The following PKHD1 variants were observed in gnomAD, a reference collection of about 807,000 sequenced individuals.
PKHD1 encodes the protein fibrocystin.
Under a neutral mutation model 412.0 loss-of-function variants are expected in PKHD1, and 291 were observed. The ratio of observed to expected loss-of-function variants is 0.71; its 90% CI spans 0.64 to 0.78. The LOEUF is 0.78. Ranked by LOEUF, PKHD1 falls within the 30% of genes least tolerant of loss-of-function variation. The pLI, the probability that PKHD1 is intolerant of heterozygous loss-of-function variation, is 0.00. For missense variants in PKHD1, 4,825 were observed against 4,950.7 expected (o/e 0.97, Z 0.76); for synonymous variants, 1,777 against 1,821.5 (o/e 0.98, Z 0.62).
intron 52 of PKHD1, among the ~76,000 whole-genome samples, chr6:51,793,280 T>A (rs942424401): frequency 1.3e-5 from 2 of 152,244 alleles, no homozygotes; most frequent in Non-Finnish European, 2.9e-5. Context: ...GTTCATGACT[T>A]TAAGAATTAT....
intron 36 of PKHD1, among the ~76,000 whole-genome samples, chr6:51,954,937 C>T (rs1329225035): frequency 6.6e-6 from 1 of 152,042 alleles, no homozygotes; most frequent in Non-Finnish European, 1.5e-5. Context: ...CAGACCACAA[C>T]CCAAGATCCT....
At chr6:51,628,907 G>A (rs960341926) in intron 65 of PKHD1, among the ~76,000 whole-genome samples, 2 of 152,090 alleles carry the variant, frequency 1.3e-5, no homozygotes, top group African/African-American at 4.8e-5. Flanking sequence ...CAATAATGAA[G>A]CTGCACACAT....
intron 7 of PKHD1, among the ~76,000 whole-genome samples, chr6:52,073,132 C>A (rs1810870582): frequency 6.6e-6 from 1 of 152,172 alleles, no homozygotes; most frequent in Non-Finnish European, 1.5e-5. Context: ...GTTTACACAT[C>A]ATTTTATAAA....
At chr6:51,727,510 TG>T (rs1394450855) in intron 60 of PKHD1, among the ~76,000 whole-genome samples, 1 of 152,204 alleles carries the variant, frequency 6.6e-6, no homozygotes, top group East Asian at 1.9e-4. Context: ...CTGTTAACTG[TG>T]ATACTAGGAC....
At position 51,976,745 on chromosome 6, in the gene PKHD1, C is replaced by T. The variant is rs115964637; in HGVS notation, c.5752-16719G>A. 1.0e-2 allele frequency among the ~76,000 whole-genome samples: 1,520 copies of T among 152,106 alleles called. 25 individuals carry two copies. The highest frequency in any genetic ancestry group is 0.035 in the African/African-American group (1,450 of 41,474). ...TGGGTGGATCACAAGGCCAAGGGATCGAGACCATCCTGGACAACATGGTGA... is the reference window on the plus strand; with the variant it reads ...TGGGTGGATCACAAGGCCAAGGGATTGAGACCATCCTGGACAACATGGTGA... On this transcript the variant is annotated intron_variant, in intron 35 of 66. Transcript: ENST00000371117.
intron 60 of PKHD1, chr6:51,741,027 A>C: frequency 2.0e-6 from 1 of 505,956 alleles, no homozygotes; most frequent in South Asian, 1.5e-5. Context: ...CCACACACTG[A>C]TAGTAAATCG....
chr6:51,903,895 A>T (rs1014805788), intron 42 of PKHD1, 91 bp downstream of exon 42: 1 of 768,554 alleles, frequency 1.3e-6, no homozygotes, highest in Non-Finnish European at 2.2e-6. Context: ...TAAACTTAAG[A>T]GACCTAACAT....
chr6:51,708,972 T>C (rs778206709), intron 60 of PKHD1, among the ~76,000 whole-genome samples: 7 of 152,236 alleles, frequency 4.6e-5, no homozygotes, highest in Non-Finnish European at 8.8e-5. Flanking sequence ...ATGGCCCTTC[T>C]AGCCCAAAAC....
At chr6:51,929,633 T>C (rs896482075) in intron 37 of PKHD1, among the ~76,000 whole-genome samples, 8 of 152,238 alleles carry the variant, frequency 5.3e-5, no homozygotes, top group African/African-American at 1.9e-4. Flanking sequence ...ACTATGAAAA[T>C]AGTGCATATT....
chr6:51,899,736 T>C (rs1478075084), intron 43 of PKHD1, among the ~76,000 whole-genome samples: 2 of 152,236 alleles, frequency 1.3e-5, no homozygotes, highest in Non-Finnish European at 2.9e-5. Context: ...TGTCCCTGTT[T>C]ACAGAAGACA....
At chr6:51,743,082 G>C (rs1282814433) in intron 60 of PKHD1, among the ~76,000 whole-genome samples, 2 of 152,156 alleles carry the variant, frequency 1.3e-5, no homozygotes, top group African/African-American at 4.8e-5. Context: ...GCAGGAACCA[G>C]GGGCTACAAG....
intron 35 of PKHD1, among the ~76,000 whole-genome samples, chr6:51,994,536 A>C (rs750148573): frequency 6.6e-6 from 1 of 152,144 alleles, no homozygotes; most frequent in African/African-American, 2.4e-5. Context: ...GGGGAAACTA[A>C]GAGGTTCTTT....
At chr6:51,912,170 G>A (rs1783058489) in intron 38 of PKHD1, among the ~76,000 whole-genome samples, 196 bp downstream of exon 38, 1 of 152,142 alleles carries the variant, frequency 6.6e-6, no homozygotes, top group Non-Finnish European at 1.5e-5. Flanking sequence ...AGAAGTTCTA[G>A]AGACAAGACA....
chr6:51,989,927 GGAA>G (rs1796746418), intron 35 of PKHD1, among the ~76,000 whole-genome samples: 1 of 104,624 alleles, frequency 9.6e-6, no homozygotes, highest in Non-Finnish European at 2.0e-5. Context: ...AAGGAAGGAA[GGAA>G]GGAAAGAAGG....
chr6:52,078,107 T>C (rs1811572289), intron 5 of PKHD1, among the ~76,000 whole-genome samples: 1 of 152,090 alleles, frequency 6.6e-6, no homozygotes, highest in South Asian at 2.1e-4. Context: ...CAGACTTCCA[T>C]GGGAAACACA....
intron 60 of PKHD1, among the ~76,000 whole-genome samples, chr6:51,696,316 G>C (rs1294546256): frequency 6.6e-6 from 1 of 152,154 alleles, no homozygotes; most frequent in East Asian, 1.9e-4. Flanking sequence ...TTTAATCATA[G>C]ATACATCAGT....
Position 51,748,578 on chromosome 6 carries a change from G to C in PKHD1, c.9038C>G (p.Ser3013Cys). ...SVEFSNVSAG[S>C]WIISSTLHQS... is the part of the protein sequence containing the mutation. ...GTGCAGAGTAGATGATATGATCCAGGATCCTGCTGACACATTACTGAATTC... is the reference window on the plus strand; with the variant it reads ...GTGCAGAGTAGATGATATGATCCAGCATCCTGCTGACACATTACTGAATTC... Residue 3013 changes from serine (S) to cysteine (C), a missense_variant, in exon 58 of 67, where the codon TCC (serine) becomes TGC (cysteine). By Grantham distance (112) the Ser-to-Cys change is moderately radical (BLOSUM62 -1). Transcript: ENST00000371117. 3 of 1,613,436 alleles carry C rather than the reference G, an allele frequency of 1.9e-6. No homozygotes were observed. Among genetic ancestry groups the C allele is most frequent in the Non-Finnish European group, 2.5e-6 (3 of 1,179,524 alleles).
At chr6:51,966,597 G>A (rs1471757899) in intron 35 of PKHD1, among the ~76,000 whole-genome samples, 2 of 152,080 alleles carry the variant, frequency 1.3e-5, no homozygotes, top group African/African-American at 2.4e-5. Flanking sequence ...CACTTACGGG[G>A]TGCACTTAAC....
chr6:51,641,094 T>C lies in PKHD1; in HGVS notation c.11399-2138A>G, dbSNP rs549312914. 5.3e-5 allele frequency among the ~76,000 whole-genome samples: 8 copies of C among 152,326 alleles called. No individual in the cohort carries two copies. In the East Asian group the frequency reaches 1.4e-3, roughly 26 times the overall value. On this transcript the variant is annotated intron_variant, in intron 63 of 66. Coordinates refer to ENST00000371117, the MANE Select transcript of PKHD1 (RefSeq NM_138694.4). ...GAAGTGAAAAAGTAGTATTTCATGA[T>C]GGCTTCAAGAGAAACTTTCAATCAC...
Sources: allele counts gnomAD v4.1 joint callset (sites outside exome capture counted in the v4.1 genomes callset), GRCh38; gene constraint gnomAD v4.1.1; transcripts MANE v1.5; gene names NCBI Gene and HGNC (gene_info 2026-07-23, HGNC 2026-07-21).